The following CLSTN2 variants were observed in gnomAD, a reference collection of about 807,000 sequenced individuals.
CLSTN2 encodes calsyntenin-2.
In CLSTN2, 48 loss-of-function variants were observed where a neutral mutation model predicts 101.2. The ratio of observed to expected loss-of-function variants is 0.47; its 90% CI spans 0.38 to 0.60. CLSTN2 has a LOEUF of 0.60. Among genes scored for constraint, CLSTN2 ranks in the 20% least tolerant of loss-of-function variants. The probability of loss-of-function intolerance (pLI) is 0.00; values close to 1 mark genes in which losing one functional copy is unlikely to be tolerated. For synonymous variants in CLSTN2, 481 were observed against 463.6 expected, an observed-to-expected ratio of 1.04 and a Z score of -0.48; for missense variants, 1,160 against 1,238.2, an observed-to-expected ratio of 0.94 and a Z score of 0.95.
chr3:140,405,258 G>A (rs754424582), intron 4 of CLSTN2, among the ~76,000 whole-genome samples: 5 of 149,788 alleles, frequency 3.3e-5, no homozygotes, highest in African/African-American at 9.8e-5. Context: ...ATGGAGTTTC[G>A]CTCTTGTCGC....
Position 140,562,838 on chromosome 3 carries a change from A to G in CLSTN2, c.2240A>G (p.Gln747Arg), listed in dbSNP as rs200085087. 72 of 1,613,950 alleles carry G rather than the reference A, an allele frequency of 4.5e-5. No homozygotes were observed. The highest frequency in any genetic ancestry group is 5.8e-5 in the Non-Finnish European group (69 of 1,180,014). ...YGVGSMSRYEQVLHHIRYRNW... is the reference protein window; with the variant it reads ...YGVGSMSRYERVLHHIRYRNW... ...GTGGGCTCCATGAGCCGCTATGAGC[A>G]GGTGCTACATCACATCCGCTACCGC... The change falls in exon 14 of 17, where the codon CAG becomes CGG. Residue 747 changes from glutamine (Q) to arginine (R), a missense_variant. Physicochemically the swap from Gln to Arg is conservative, Grantham distance 43. Transcript: ENST00000458420.
intron 8 of CLSTN2, among the ~76,000 whole-genome samples, chr3:140,529,894 A>ATAGT (rs747588634): frequency 2.0e-5 from 3 of 152,220 alleles, no homozygotes; most frequent in Non-Finnish European, 4.4e-5. Flanking sequence ...TGTCCCTTTT[A>ATAGT]TAGTAACAGG....
intron 1 of CLSTN2, among the ~76,000 whole-genome samples, chr3:140,066,554 AC>A (rs2008303063): frequency 1.3e-5 from 2 of 152,138 alleles, no homozygotes; most frequent in Admixed American, 6.5e-5. Flanking sequence ...AAAATACCAA[AC>A]CTTTTTTACA....
intron 8 of CLSTN2, among the ~76,000 whole-genome samples, chr3:140,483,982 T>C (rs1435361619): frequency 6.6e-5 from 10 of 152,310 alleles, no homozygotes; most frequent in Non-Finnish European, 1.3e-4. Flanking sequence ...AGTATTGTTA[T>C]GTGTGAATTT....
At chr3:140,329,803 A>C (rs888439863) in intron 2 of CLSTN2, among the ~76,000 whole-genome samples, 1 of 152,220 alleles carries the variant, frequency 6.6e-6, no homozygotes, top group Non-Finnish European at 1.5e-5. Flanking sequence ...ATGTCCCTTC[A>C]TTTCTAATGG....
intron 2 of CLSTN2, among the ~76,000 whole-genome samples, chr3:140,194,042 T>G (rs1025628595): frequency 1.5e-4 from 23 of 152,222 alleles, no homozygotes; most frequent in African/African-American, 5.5e-4. Context: ...CTTTTTCTTT[T>G]GATTCATCTG....
chr3:140,327,515 A>C (rs562895207), intron 2 of CLSTN2, among the ~76,000 whole-genome samples: 1 of 152,314 alleles, frequency 6.6e-6, no homozygotes, highest in South Asian at 2.1e-4. Context: ...GACCTTCCTC[A>C]TATCTCTCCT....
chr3:140,299,659 C>A (rs183202556), intron 2 of CLSTN2, among the ~76,000 whole-genome samples: 10 of 152,218 alleles, frequency 6.6e-5, no homozygotes, highest in Admixed American at 6.5e-4. Context: ...GACTTACATC[C>A]CACTTTGCTC....
At chr3:140,472,498 G>C (rs1933872006) in intron 8 of CLSTN2, among the ~76,000 whole-genome samples, 1 of 152,206 alleles carries the variant, frequency 6.6e-6, no homozygotes, top group African/African-American at 2.4e-5. Flanking sequence ...GTTCAGACCA[G>C]TCATCTTAAT....
chr3:140,236,824 A>AGT (rs548988567), intron 2 of CLSTN2, among the ~76,000 whole-genome samples: 16,097 of 125,516 alleles, frequency 0.13, 935 homozygotes, highest in East Asian at 0.22. Flanking sequence ...TATGTTATAT[A>AGT]GTGTGTGTGT....
chr3:140,500,734 T>A (rs1934559893), intron 8 of CLSTN2, among the ~76,000 whole-genome samples: 1 of 152,154 alleles, frequency 6.6e-6, no homozygotes, highest in Non-Finnish European at 1.5e-5. Context: ...ACTTTTTTCA[T>A]TTGTAGAACG....
chr3:140,267,321 G>C (rs530600917), intron 2 of CLSTN2, among the ~76,000 whole-genome samples: 1 of 152,266 alleles, frequency 6.6e-6, no homozygotes, highest in East Asian at 1.9e-4. Flanking sequence ...AGATTTTGGA[G>C]CAAGCCCACT....
intron 1 of CLSTN2, among the ~76,000 whole-genome samples, chr3:139,939,704 C>G (rs1224598293): frequency 6.6e-6 from 1 of 152,242 alleles, no homozygotes. Flanking sequence ...AGATTGCACA[C>G]TGCAGAACTT....
chr3:140,136,634 T>C (rs924491993), intron 1 of CLSTN2, among the ~76,000 whole-genome samples: 9 of 152,192 alleles, frequency 5.9e-5, no homozygotes, highest in Non-Finnish European at 1.2e-4. Flanking sequence ...TTATTAACCA[T>C]CCATGTGACT....
At chr3:140,344,340 C>T (rs1270097937) in intron 2 of CLSTN2, among the ~76,000 whole-genome samples, 2 of 152,172 alleles carry the variant, frequency 1.3e-5, no homozygotes, top group Non-Finnish European at 2.9e-5. Flanking sequence ...TGCACAAGCA[C>T]ACATTAAGCC....
intron 1 of CLSTN2, among the ~76,000 whole-genome samples, chr3:140,133,390 T>C (rs1460619942): frequency 6.6e-6 from 1 of 152,212 alleles, no homozygotes; most frequent in Admixed American, 6.5e-5. Context: ...AGCATCTCCT[T>C]ATTGACTTTG....
At chr3:140,227,183 A>G (rs890489243) in intron 2 of CLSTN2, among the ~76,000 whole-genome samples, 1 of 152,188 alleles carries the variant, frequency 6.6e-6, no homozygotes, top group Non-Finnish European at 1.5e-5. Context: ...TGAACCTGTA[A>G]AATCAAAAGC....
At chr3:140,454,422 G>A (rs1933342978) in intron 6 of CLSTN2, 1 of 152,190 alleles carries the variant, frequency 6.6e-6, no homozygotes, top group Admixed American at 6.5e-5. Flanking sequence ...TAGGATTCTA[G>A]AAGTGAAATG....
chr3:140,568,319 A>G lies in CLSTN2; in HGVS notation c.*2066A>G, dbSNP rs759227253. The G allele has an allele frequency of 6.6e-6, 1 of 152,248 alleles. No individual in the cohort carries two copies. Among genetic ancestry groups the G allele is most frequent in the Non-Finnish European group, 1.5e-5 (1 of 68,046 alleles). 9.4% of individuals were successfully genotyped at this position (152,248 alleles called of 1,614,324 possible). A position where few individuals can be genotyped will look rare whatever the true frequency, so the allele number is the denominator to read the frequency against. On this transcript the variant is annotated 3_prime_UTR_variant, in exon 17 of 17. Transcript: ENST00000458420. ...GGCCTAGAAATTACACAAGAGACAAATGAAGAGGAAGAGAAGTCACAAGAG... is the reference window on the plus strand; with the variant it reads ...GGCCTAGAAATTACACAAGAGACAAGTGAAGAGGAAGAGAAGTCACAAGAG...
Sources: gnomAD v4.1 joint callset for allele counts (sites outside exome capture counted in the v4.1 genomes callset) on GRCh38, gnomAD v4.1.1 for gene constraint, MANE v1.5 for transcripts, NCBI Gene and HGNC (gene_info 2026-07-23, HGNC 2026-07-21) for gene names.